The following NRP2 variants were observed in gnomAD, a reference collection of about 807,000 sequenced individuals.
NRP2 encodes the protein neuropilin 2.
Under a neutral mutation model 110.4 loss-of-function variants are expected in NRP2, and 52 were observed. The observed-to-expected ratio is 0.47, with a 90% CI of 0.38 to 0.59. The LOEUF is 0.59. Ranked by LOEUF, NRP2 falls within the 20% of genes least tolerant of loss-of-function variation. NRP2 has a pLI of 0.00. For synonymous variants in NRP2, 508 were observed against 468.9 expected (o/e 1.08, Z -1.08); for missense variants, 1,049 against 1,203.0 (o/e 0.87, Z 1.89).
chr2:205,705,165 C>G (rs1305015424), intron 2 of NRP2, among the ~76,000 whole-genome samples: 1 of 135,286 alleles, frequency 7.4e-6, no homozygotes, highest in Non-Finnish European at 1.6e-5. Flanking sequence ...TATACTTCTG[C>G]CTGGATAAAT....
At chr2:205,690,579 TACACACACAC>T (rs10591632) in intron 1 of NRP2, among the ~76,000 whole-genome samples, 31,425 of 124,094 alleles carry the variant, frequency 0.25, 4,140 homozygotes, top group South Asian at 0.32. Flanking sequence ...CTGCTAAAAA[TACACACACAC>T]ACACACACAC....
chr2:205,776,978 G>A (rs956547183), intron 15 of NRP2: 3 of 1,074,514 alleles, frequency 2.8e-6, no homozygotes, highest in African/African-American at 3.3e-5. Context: ...CTCTGTGTGT[G>A]GGTGTGTGAG....
At chr2:205,699,312 C>T (rs1323805834) in intron 2 of NRP2, among the ~76,000 whole-genome samples, 4 of 152,150 alleles carry the variant, frequency 2.6e-5, no homozygotes, top group Admixed American at 2.6e-4. Flanking sequence ...GCTCTGATTC[C>T]TCTGGCTGGA....
In NRP2 at chr2:205,685,251, G is replaced by T. The variant is rs529885750; in HGVS notation, c.73+1888G>T. 2.6e-5 allele frequency among the ~76,000 whole-genome samples: 4 copies of T among 152,340 alleles called. No homozygotes were observed. In the East Asian group the frequency reaches 7.7e-4, roughly 29 times the overall value. On this transcript the variant is annotated intron_variant, in intron 1 of 16. Transcript: ENST00000357785. ...AGGCGCGGAGTTCGGGGCAACCTCGGACCCGGGGTGGGATCTCAGGGTGGG... is the reference window on the plus strand; with the variant it reads ...AGGCGCGGAGTTCGGGGCAACCTCGTACCCGGGGTGGGATCTCAGGGTGGG...
chr2:205,687,639 C>T (rs1575533646), intron 1 of NRP2, among the ~76,000 whole-genome samples: 1 of 152,296 alleles, frequency 6.6e-6, no homozygotes. Flanking sequence ...ATAGAGCCCT[C>T]AGACATTAAG....
intron 15 of NRP2, 88 bp downstream of exon 15, chr2:205,766,891 C>A (rs2057931063): frequency 1.6e-6 from 2 of 1,252,764 alleles, no homozygotes; most frequent in Non-Finnish European, 2.3e-6. Flanking sequence ...GGGAATCAAC[C>A]TCCAAATTTG....
At chr2:205,744,532 A>G (rs1232579332) in intron 9 of NRP2, among the ~76,000 whole-genome samples, 1 of 152,216 alleles carries the variant, frequency 6.6e-6, no homozygotes, top group Non-Finnish European at 1.5e-5. Context: ...GTCAGCCTTC[A>G]ACACAGACAC....
chr2:205,715,907 A>C (rs1037177966), intron 2 of NRP2, among the ~76,000 whole-genome samples: 5 of 152,222 alleles, frequency 3.3e-5, no homozygotes, highest in African/African-American at 1.2e-4. Flanking sequence ...AAGGAAGAAA[A>C]AAATGTGTTT....
intron 15 of NRP2, among the ~76,000 whole-genome samples, chr2:205,773,122 T>C (rs1463278246): frequency 2.0e-5 from 3 of 152,204 alleles, no homozygotes; most frequent in Non-Finnish European, 4.4e-5. Flanking sequence ...GTCTTCCTTT[T>C]CTCTAGTTGG....
intron 12 of NRP2, among the ~76,000 whole-genome samples, chr2:205,757,201 A>G (rs991990699): frequency 3.9e-5 from 6 of 152,204 alleles, no homozygotes; most frequent in Admixed American, 2.0e-4. Context: ...GTCAAAGCCT[A>G]TGGGATTGAG....
chr2:205,737,986 A>C (rs849582), intron 7 of NRP2, among the ~76,000 whole-genome samples: 21,007 of 152,258 alleles, frequency 0.14, 1,758 homozygotes, highest in East Asian at 0.4. Flanking sequence ...CGCCATCCCA[A>C]AGACAGTCCA....
At chr2:205,705,057 GA>G (rs1249825070) in intron 2 of NRP2, among the ~76,000 whole-genome samples, 1 of 151,828 alleles carries the variant, frequency 6.6e-6, no homozygotes, top group Non-Finnish European at 1.5e-5. Flanking sequence ...GAGTCCTATA[GA>G]AAAAAATTTA....
At chr2:205,770,948 G>A (rs755929097) in intron 15 of NRP2, among the ~76,000 whole-genome samples, 7 of 152,128 alleles carry the variant, frequency 4.6e-5, no homozygotes, top group African/African-American at 1.2e-4. Context: ...GGCCTGACAC[G>A]TCCCCTCTCC....
intron 12 of NRP2, among the ~76,000 whole-genome samples, chr2:205,760,009 G>T (rs1409533660): frequency 3.3e-5 from 5 of 152,202 alleles, no homozygotes. Flanking sequence ...GCTGTGGCAG[G>T]TTTACTGAGT....
At chr2:205,698,599 G>C (rs1432628190) in intron 2 of NRP2, among the ~76,000 whole-genome samples, 2 of 152,172 alleles carry the variant, frequency 1.3e-5, no homozygotes, top group African/African-American at 4.8e-5. Flanking sequence ...GTTAAGGTTG[G>C]GAAGCAGGCA....
intron 1 of NRP2, among the ~76,000 whole-genome samples, chr2:205,697,183 G>A (rs185603412): frequency 2.0e-5 from 3 of 152,236 alleles, no homozygotes; most frequent in East Asian, 1.9e-4. Context: ...TGAATGAGGA[G>A]AGGAAGATGG....
At position 205,743,264 on chromosome 2, in the gene NRP2, C is replaced by T. The variant is rs1021437408; in HGVS notation, c.1353C>T (p.Ser451=). 1.2e-5 allele frequency: 20 copies of T among 1,613,998 alleles called. No individual in the cohort carries two copies. The highest frequency in any genetic ancestry group is 3.3e-5 in the South Asian group (3 of 91,076). ...LSGLIADSQI[S]ASSTQEYLWS... ...GCCTCATTGCAGACTCCCAGATCTCCGCCTCTTCCACCCAGGAATACCTCT... is the reference window on the plus strand; with the variant it reads ...GCCTCATTGCAGACTCCCAGATCTCTGCCTCTTCCACCCAGGAATACCTCT... The change falls in exon 9 of 17, where the codon TCC becomes TCT. Residue 451 remains serine (S), a synonymous_variant. Transcript: ENST00000357785.
chr2:205,728,364 C>T (rs887020784), intron 7 of NRP2, among the ~76,000 whole-genome samples: 2 of 152,212 alleles, frequency 1.3e-5, no homozygotes, highest in Non-Finnish European at 2.9e-5. Context: ...ATTCACTGAA[C>T]ATTTATGGCC....
chr2:205,730,999 A>G (rs1033483479), intron 7 of NRP2, among the ~76,000 whole-genome samples: 22 of 152,240 alleles, frequency 1.4e-4, no homozygotes, highest in African/African-American at 5.3e-4. Flanking sequence ...GGTCAGTCAC[A>G]CTGTTGCTGG....
Sources: allele counts gnomAD v4.1 joint callset (sites outside exome capture counted in the v4.1 genomes callset), GRCh38; gene constraint gnomAD v4.1.1; transcripts MANE v1.5; gene names NCBI Gene and HGNC (gene_info 2026-07-23, HGNC 2026-07-21).